CREB5: variants seen among roughly 807,000 people sequenced by gnomAD.
The protein encoded by CREB5 is cyclic AMP-responsive element-binding protein 5.
Under a neutral mutation model 57.1 loss-of-function variants are expected in CREB5, and 19 were observed. The ratio of observed to expected loss-of-function variants is 0.33; its 90% CI spans 0.23 to 0.49. The LOEUF is 0.49. Ranked by LOEUF, CREB5 falls within the 20% of genes least tolerant of loss-of-function variation. The probability of loss-of-function intolerance (pLI) is 0.99; values close to 1 mark genes in which losing one functional copy is unlikely to be tolerated. For missense variants in CREB5, 579 were observed against 671.6 expected (o/e 0.86, Z 1.52); for synonymous variants, 238 against 238.3 (o/e 1.00, Z 0.01).
In CREB5 at chr7:28,600,981, A is replaced by T. The variant is rs146892210; in HGVS notation, c.464+30444A>T. 3.7e-4 allele frequency among the ~76,000 whole-genome samples: 57 copies of T among 152,092 alleles called. 2 individuals are homozygous for T. The highest frequency in any genetic ancestry group is 1.3e-3 in the African/African-American group (54 of 41,498). On this transcript the variant is annotated intron_variant, in intron 5 of 10. Coordinates refer to ENST00000357727, the MANE Select transcript of CREB5 (RefSeq NM_182898.4). ...ATGTCAACCAATATGAGTTTCATGT[A>T]TTTTTCTTTTTTTTCTCTGTCCACT...
chr7:28,610,777 A>C (rs1797351466), intron 5 of CREB5, among the ~76,000 whole-genome samples: 2 of 152,172 alleles, frequency 1.3e-5, no homozygotes, highest in African/African-American at 4.8e-5. Flanking sequence ...GTGGCCTTGG[A>C]AAGTTAATGA....
At chr7:28,673,738 T>C (rs1004052174) in intron 5 of CREB5, among the ~76,000 whole-genome samples, 4 of 142,418 alleles carry the variant, frequency 2.8e-5, no homozygotes, top group Non-Finnish European at 6.0e-5. Context: ...AGTGGCGTGA[T>C]CTCAGCTCAC....
intron 5 of CREB5, among the ~76,000 whole-genome samples, chr7:28,675,031 G>A (rs954239122): frequency 5.9e-5 from 9 of 152,034 alleles, no homozygotes; most frequent in African/African-American, 2.2e-4. Context: ...TATCTAGGTG[G>A]TTCTCTCTGT....
chr7:28,721,681 A>G (rs1803038862), intron 6 of CREB5, among the ~76,000 whole-genome samples: 4 of 152,256 alleles, frequency 2.6e-5, no homozygotes, highest in Admixed American at 2.6e-4. Context: ...CATCCATTTC[A>G]TAAACTTGTT....
intron 4 of CREB5, among the ~76,000 whole-genome samples, chr7:28,526,852 G>A (rs950110628): frequency 6.6e-6 from 1 of 152,204 alleles, no homozygotes; most frequent in Non-Finnish European, 1.5e-5. Flanking sequence ...ATTCATTCCT[G>A]TTTTCTTTCT....
chr7:28,809,082 G>A (rs1436606914), intron 8 of CREB5, 105 bp from the exon 9 acceptor site: 80 of 1,032,126 alleles, frequency 7.8e-5, no homozygotes, highest in Non-Finnish European at 9.7e-5. Context: ...TGACTGAAAC[G>A]ATAGACTTTC....
At chr7:28,596,938 T>C (rs956623548) in intron 5 of CREB5, among the ~76,000 whole-genome samples, 1 of 152,130 alleles carries the variant, frequency 6.6e-6, no homozygotes, top group African/African-American at 2.4e-5. Flanking sequence ...GATAATACCA[T>C]AGGATGCTAG....
chr7:28,436,643 A>AT (rs923459191), intron 1 of CREB5, among the ~76,000 whole-genome samples: 18 of 152,090 alleles, frequency 1.2e-4, no homozygotes, highest in Non-Finnish European at 2.1e-4. Flanking sequence ...TGCAATTGTC[A>AT]TTTTTTCCTA....
chr7:28,312,433 G>C (rs148013878), intron 1 of CREB5, among the ~76,000 whole-genome samples: 3,070 of 152,280 alleles, frequency 0.02, 70 homozygotes, highest in Admixed American at 0.056. Flanking sequence ...GGAGCTGAGG[G>C]GGCTCAGTGA....
chr7:28,464,183 A>G (rs1790462833), intron 1 of CREB5, among the ~76,000 whole-genome samples: 2 of 152,210 alleles, frequency 1.3e-5, no homozygotes, highest in Non-Finnish European at 2.9e-5. Flanking sequence ...TGAATCCCAC[A>G]TGGTCATGGT....
chr7:28,334,232 T>C (rs1785770511), intron 1 of CREB5, among the ~76,000 whole-genome samples: 1 of 152,210 alleles, frequency 6.6e-6, no homozygotes, highest in South Asian at 2.1e-4. Flanking sequence ...CTTGGCTCAC[T>C]GCAACCTCCA....
intron 4 of CREB5, among the ~76,000 whole-genome samples, chr7:28,545,603 A>G (rs1341593601): frequency 1.3e-5 from 2 of 152,212 alleles, no homozygotes; most frequent in African/African-American, 4.8e-5. Flanking sequence ...ACATATGTAT[A>G]TATATTTTAA....
intron 5 of CREB5, among the ~76,000 whole-genome samples, chr7:28,705,847 G>A (rs548334952): frequency 9.2e-5 from 14 of 152,274 alleles, no homozygotes; most frequent in Non-Finnish European, 1.8e-4. Context: ...TCATTTAAAC[G>A]TAAACAAAAT....
At chr7:28,599,630 G>A (rs1029217396) in intron 5 of CREB5, among the ~76,000 whole-genome samples, 1 of 152,228 alleles carries the variant, frequency 6.6e-6, no homozygotes, top group African/African-American at 2.4e-5. Flanking sequence ...GACACGCATA[G>A]CTCTGCACTG....
chr7:28,369,655 T>G lies in CREB5; in HGVS notation c.-25+70214T>G, dbSNP rs111903533. Among the ~76,000 whole-genome samples the G allele has an allele frequency of 2.5e-3, 382 of 152,306 alleles. 1 individual carries two copies. Among genetic ancestry groups the G allele is most frequent in the African/African-American group, 8.6e-3 (358 of 41,560 alleles). ...TTCCCCTGAGATTCCTTTTACTGCT[T>G]TGTCCAATGGCCAGTGGCAGACTAG... On this transcript the variant is annotated intron_variant, in intron 1 of 9. Coordinates refer to the CREB5 transcript ENST00000396299.
chr7:28,306,814 G>A lies in CREB5; in HGVS notation c.-25+7373G>A, dbSNP rs1482893520. Among the ~76,000 whole-genome samples, 6 of 152,030 alleles carry A rather than the reference G, an allele frequency of 3.9e-5. No individual in the cohort carries two copies. The East Asian group carries it at 1.2e-3, about 29-fold the overall frequency. ...CTGACCTCGTGATCCGCCCGCCTCG[G>A]CCTCCCAAAGTGCTGGGATTACAGG... On this transcript the variant is annotated intron_variant, in intron 1 of 9. Transcript: ENST00000396299.
At chr7:28,337,323 G>T (rs761277834) in intron 1 of CREB5, among the ~76,000 whole-genome samples, 2 of 152,034 alleles carry the variant, frequency 1.3e-5, no homozygotes, top group African/African-American at 2.4e-5. Context: ...TTGTACTGAA[G>T]TCTGTCTCTC....
At chr7:28,397,706 A>G (rs1787368278) in intron 1 of CREB5, among the ~76,000 whole-genome samples, 1 of 152,210 alleles carries the variant, frequency 6.6e-6, no homozygotes, top group Non-Finnish European at 1.5e-5. Context: ...TAAAAACAGG[A>G]TCCGTACTCC....
At chr7:28,381,613 C>T (rs1237334404) in intron 1 of CREB5, among the ~76,000 whole-genome samples, 2 of 152,226 alleles carry the variant, frequency 1.3e-5, no homozygotes, top group Non-Finnish European at 1.5e-5. Context: ...CCAGAAAACA[C>T]ATTCCTCTGC....
Sources: gnomAD v4.1 joint callset for allele counts (sites outside exome capture counted in the v4.1 genomes callset) on GRCh38, gnomAD v4.1.1 for gene constraint, MANE v1.5 for transcripts, NCBI Gene and HGNC (gene_info 2026-07-23, HGNC 2026-07-21) for gene names.